Variants in SFRP4 observed in about 807,000 individuals in gnomAD.
SFRP4 encodes the protein secreted frizzled-related protein 4.
SFRP4 carries 25 observed loss-of-function variants against 36.3 expected under a neutral mutation model. The observed-to-expected ratio is 0.69, with a 90% CI of 0.50 to 0.96. The LOEUF (loss-of-function observed/expected upper bound fraction) is 0.96. Among genes scored for constraint, SFRP4 ranks in the 40% least tolerant of loss-of-function variants. SFRP4 has a pLI of 0.00. For synonymous variants in SFRP4, 182 were observed against 168.8 expected, an observed-to-expected ratio of 1.08 and a Z score of -0.60; for missense variants, 487 against 459.6, an observed-to-expected ratio of 1.06 and a Z score of -0.54.
Position 37,916,096 on chromosome 7 carries a change from C to T in SFRP4, c.442G>A (p.Glu148Lys). 6.2e-7 allele frequency: 1 copy of T among 1,611,026 alleles called. No individual in the cohort carries two copies. Among genetic ancestry groups the T allele is most frequent in the Non-Finnish European group, 8.5e-7 (1 of 1,177,784 alleles). ...SPEAIVTDLPEDVKWIDITPD... is the reference protein window; with the variant it reads ...SPEAIVTDLPKDVKWIDITPD... ...TCCATCCTTCCTACGGCCTCACCCT[C>T]CGGGAGGTCCGTGACGATGGCTTCA... The change falls in exon 1 of 6, where the codon GAG becomes AAG. Residue 148 changes from glutamate (E) to lysine (K), a missense_variant. Physicochemically the swap from Glu to Lys is moderately conservative, Grantham distance 56 (BLOSUM62 1). Coordinates refer to ENST00000436072, the MANE Select transcript of SFRP4 (RefSeq NM_003014.4). This position sits in a 1 kb window ranked among gnomAD's most constrained non-coding sequence, Gnocchi z 4.1.
chr7:37,914,476 T>C, intron 1 of SFRP4, 23 bp from the exon 2 acceptor site: 1 of 1,581,526 alleles, frequency 6.3e-7, no homozygotes, highest in Non-Finnish European at 8.7e-7. Flanking sequence ...CAGGGCCACA[T>C]GGGCGTGGTT....
At position 37,916,400 on chromosome 7, in the gene SFRP4, C is replaced by T; in HGVS notation, c.138G>A (p.Leu46=). 6.2e-7 allele frequency: 1 copy of T among 1,614,182 alleles called. No homozygotes were observed. Among genetic ancestry groups the T allele is most frequent in the Non-Finnish European group, 8.5e-7 (1 of 1,180,020 alleles). The stretch of plus-strand genomic sequence containing the variant: ...TGGCGTTCTCCTGCGTGCTGTGGTG[C>T]AGGTGGTTGGGCATCCGCGTGATGT... ...PWNITRMPNH[L]HHSTQENAIL... The change falls in exon 1 of 6, where the codon CTG becomes CTA. Residue 46 remains leucine, a synonymous_variant. Coordinates refer to ENST00000436072, the MANE Select transcript of SFRP4 (RefSeq NM_003014.4). This position sits in a 1 kb window ranked among gnomAD's most constrained non-coding sequence, Gnocchi z 4.1.
rs994020679 is a variant in SFRP4, at chr7:37,916,674, C to A, written c.-137G>T. The A allele has an allele frequency of 7.4e-7, 1 of 1,342,814 alleles. No homozygotes were observed. The highest frequency in any genetic ancestry group is 9.9e-7 in the Non-Finnish European group (1 of 1,008,118). The allele number at this position is 1,342,814 out of a possible 1,614,324, so 83.2% of individuals were successfully genotyped here. Reference sequence around the variant, plus strand: ...AGAGTTTCTTCCCCCAAACTCCAGTCGGCAGCAAAGCGGGGCCGCGGGGTC... The same window carrying A: ...AGAGTTTCTTCCCCCAAACTCCAGTAGGCAGCAAAGCGGGGCCGCGGGGTC... On this transcript the variant is annotated 5_prime_UTR_variant, in exon 1 of 6. Coordinates refer to ENST00000436072, the MANE Select transcript of SFRP4 (RefSeq NM_003014.4). This position sits in a 1 kb window ranked among gnomAD's most constrained non-coding sequence, Gnocchi z 4.1.
At chr7:37,914,477 G>T (rs772351601) in intron 1 of SFRP4, 24 bp from the exon 2 acceptor site, 2 of 1,579,974 alleles carry the variant, frequency 1.3e-6, no homozygotes, top group South Asian at 1.1e-5. Flanking sequence ...AGGGCCACAT[G>T]GGCGTGGTTG....
At chr7:37,912,443 G>T (rs2131988181) in intron 3 of SFRP4, 126 bp from the exon 4 acceptor site, 1 of 734,352 alleles carries the variant, frequency 1.4e-6, no homozygotes, top group East Asian at 2.7e-5. Flanking sequence ...ATGTCCAAGT[G>T]GCCTGAGTGC....
At position 37,916,447 on chromosome 7, in the gene SFRP4, T is replaced by C. The variant is rs1785579158; in HGVS notation, c.91A>G (p.Met31Val). 5 of 1,613,744 alleles carry C rather than the reference T, an allele frequency of 3.1e-6. No homozygotes were observed. Among genetic ancestry groups the C allele is most frequent in the South Asian group, 1.1e-5 (1 of 91,056 alleles). Reference sequence around the variant, plus strand: ...ATGTTCCAGGGCATGTGCCGGCACATAGGGATGCGCACCGCCTCGCAGGGC... The same window carrying C: ...ATGTTCCAGGGCATGTGCCGGCACACAGGGATGCGCACCGCCTCGCAGGGC... ...GAPCEAVRIP[M>V]CRHMPWNITR... Residue 31 changes from methionine (M) to valine (V), a missense_variant, in exon 1 of 6, where the codon ATG becomes GTG. By Grantham distance (21) the Met-to-Val change is conservative. Coordinates refer to ENST00000436072, the MANE Select transcript of SFRP4 (RefSeq NM_003014.4). The surrounding 1 kb of genome is among the most constrained non-coding windows in gnomAD (Gnocchi z 4.1).
In SFRP4 at chr7:37,907,312, A is replaced by G; in HGVS notation, c.*167T>C. On this transcript the variant is annotated 3_prime_UTR_variant, in exon 6 of 6. Coordinates refer to ENST00000436072, the MANE Select transcript of SFRP4 (RefSeq NM_003014.4). ...TATGGCTTGTGATGGCTTACAAAGA[A>G]AAACTGAAGCATAGCCTTAAGAAAA... The G allele has an allele frequency of 1.8e-6, 1 of 570,442 alleles. No individual in the cohort carries two copies. The highest frequency in any genetic ancestry group is 3.0e-5 in the South Asian group (1 of 33,642). The allele number at this position is 570,442 out of a possible 1,614,324, so 35.3% of individuals were successfully genotyped here.
rs1785399729 is a variant in SFRP4, at chr7:37,906,571, C to T, written c.*908G>A. The T allele has an allele frequency of 6.6e-6, 1 of 152,112 alleles. No homozygotes were observed. The highest frequency in any genetic ancestry group is 6.5e-5 in the Admixed American group (1 of 15,282). 9.4% of individuals were successfully genotyped at this position (152,112 alleles called of 1,614,324 possible). A position where few individuals can be genotyped will look rare whatever the true frequency, so the allele number is the denominator to read the frequency against. On this transcript the variant is annotated 3_prime_UTR_variant, in exon 6 of 6. Transcript: ENST00000436072. ...CAAAATTTGGCACTCACATGAAGGC[C>T]ATTTTTAAGCTTGTCAAATTATTCT...
At chr7:37,913,102 T>C (rs1785521020) in intron 3 of SFRP4, among the ~76,000 whole-genome samples, 1 of 152,160 alleles carries the variant, frequency 6.6e-6, no homozygotes, top group South Asian at 2.1e-4. Context: ...CAGATTAATA[T>C]CTCAGGCTGG....
chr7:37,907,227 G>T lies in SFRP4; in HGVS notation c.*252C>A, dbSNP rs1785409999. The T allele has an allele frequency of 2.6e-6, 1 of 380,966 alleles. No individual in the cohort carries two copies. Among genetic ancestry groups the T allele is most frequent in the South Asian group, 6.9e-5 (1 of 14,476 alleles). 23.6% of individuals were successfully genotyped at this position (380,966 alleles called of 1,614,324 possible). On this transcript the variant is annotated 3_prime_UTR_variant, in exon 6 of 6. Transcript: ENST00000436072. ...GCACACAGGTTACTCTGAATGCAAT[G>T]CAATAAGCCTTTTCCACCAGCTTTA...
chr7:37,914,584 GC>G, intron 1 of SFRP4, 131 bp from the exon 2 acceptor site: 1 of 738,068 alleles, frequency 1.4e-6, no homozygotes, highest in South Asian at 1.6e-5. Context: ...GTAAAAATGG[GC>G]CAGGCGAAGT....
In SFRP4 at chr7:37,912,244, C is replaced by T. The variant is rs752732854; in HGVS notation, c.666G>A (p.Glu222=). The change falls in exon 4 of 6, where the codon GAG becomes GAA. Residue 222 remains glutamate, a synonymous_variant. Transcript: ENST00000436072. ...GGATGGGTGATGAGGACTTGAAGAT[C>T]TCTTTTACATCCACCACCGTTGTGA... ...NEVTTVVDVK[E]IFKSSSPIPR... The T allele has an allele frequency of 1.9e-6, 3 of 1,614,030 alleles. No homozygotes were observed. The highest frequency in any genetic ancestry group is 2.5e-6 in the Non-Finnish European group (3 of 1,180,008).
chr7:37,916,401 A>C lies in SFRP4; in HGVS notation c.137T>G (p.Leu46Arg), dbSNP rs1785577729. ...PWNITRMPNH[L>R]HHSTQENAIL... ...GGCGTTCTCCTGCGTGCTGTGGTGC[A>C]GGTGGTTGGGCATCCGCGTGATGTT... is the stretch of plus-strand genomic sequence containing the variant. The change falls in exon 1 of 6, where the codon CTG becomes CGG. Residue 46 changes from leucine (L) to arginine (R), a missense_variant. Physicochemically the swap from Leu to Arg is moderately radical, Grantham distance 102 (BLOSUM62 -2). Coordinates refer to ENST00000436072, the MANE Select transcript of SFRP4 (RefSeq NM_003014.4). The surrounding 1 kb of genome is among the most constrained non-coding windows in gnomAD (Gnocchi z 4.1). 1 of 1,614,024 alleles carries C rather than the reference A, an allele frequency of 6.2e-7. No homozygotes were observed. Among genetic ancestry groups the C allele is most frequent in the Non-Finnish European group, 8.5e-7 (1 of 1,180,012 alleles).
At chr7:37,909,724 T>C (rs1785453251) in intron 4 of SFRP4, 44 bp from the exon 5 acceptor site, 1 of 1,107,790 alleles carries the variant, frequency 9.0e-7, no homozygotes, top group African/African-American at 1.6e-5. Flanking sequence ...ATTACAAAAG[T>C]AAACAGCTAA....
intron 3 of SFRP4, among the ~76,000 whole-genome samples, chr7:37,913,139 A>G (rs1785521365): frequency 6.6e-6 from 1 of 152,242 alleles, no homozygotes; most frequent in South Asian, 2.1e-4. Flanking sequence ...GACTAAGTAA[A>G]TCAGATGAGG....
rs377005166 is a variant in SFRP4 at position 37,912,150 on chromosome 7, C to T, written c.760G>A (p.Val254Ile). 1.9e-5 allele frequency: 30 copies of T among 1,614,024 alleles called. No homozygotes were observed. The highest frequency in any genetic ancestry group is 2.5e-5 in the Non-Finnish European group (29 of 1,180,010). ...CGCCACTCGTAACACATGATGAGAA[C>T]ATCTTGATGGGGCAGGATGTGTGGA... is the stretch of plus-strand genomic sequence containing the variant. ...QCPHILPHQD[V>I]LIMCYEWRSR... Residue 254 changes from valine (V) to isoleucine (I), a missense_variant, in exon 4 of 6, where the codon GTT becomes ATT. Physicochemically the swap from Val to Ile is conservative, Grantham distance 29. Coordinates refer to ENST00000436072, the MANE Select transcript of SFRP4 (RefSeq NM_003014.4).
intron 5 of SFRP4, among the ~76,000 whole-genome samples, chr7:37,909,360 C>T (rs182156420): frequency 6.6e-6 from 1 of 152,242 alleles, no homozygotes; most frequent in East Asian, 1.9e-4. Context: ...ACAAAAGGCT[C>T]ATTTAACTTG....
chr7:37,915,307 C>T (rs1785556159), intron 1 of SFRP4, among the ~76,000 whole-genome samples: 1 of 152,156 alleles, frequency 6.6e-6, no homozygotes, highest in Admixed American at 6.5e-5. Context: ...TTAACCACTC[C>T]TCCTTCATGT....
At chr7:37,913,263 T>G (rs1472525326) in intron 3 of SFRP4, among the ~76,000 whole-genome samples, 1 of 152,230 alleles carries the variant, frequency 6.6e-6, no homozygotes. Flanking sequence ...AATCTGATAG[T>G]TTTGTAACAG....
Sources: gnomAD v4.1 joint callset for allele counts (sites outside exome capture counted in the v4.1 genomes callset) on GRCh38, gnomAD v4.1.1 for gene constraint, Gnocchi (gnomAD v3.1) non-coding constraint, MANE v1.5 for transcripts, NCBI Gene and HGNC (gene_info 2026-07-23, HGNC 2026-07-21) for gene names.